Variants in DYNC2LI1 observed in about 807,000 individuals in gnomAD.
DYNC2LI1 encodes the protein dynein cytoplasmic 2 light intermediate chain 1, also known as cytoplasmic dynein 2 light intermediate chain 1.
Under a neutral mutation model 51.9 loss-of-function variants are expected in DYNC2LI1, and 45 were observed. The observed-to-expected ratio is 0.87, with a 90% CI of 0.68 to 1.11. The LOEUF (loss-of-function observed/expected upper bound fraction) is 1.11. DYNC2LI1 is among the 50% of genes most tolerant of loss of function. The pLI is 0.00. For synonymous variants in DYNC2LI1, 130 were observed against 137.8 expected, an observed-to-expected ratio of 0.94 and a Z score of 0.40; for missense variants, 490 against 417.4, an observed-to-expected ratio of 1.17 and a Z score of -1.51.
At chr2:43,786,550 G>A (rs1042164058) in intron 3 of DYNC2LI1, among the ~76,000 whole-genome samples, 9 of 152,062 alleles carry the variant, frequency 5.9e-5, no homozygotes, top group Non-Finnish European at 1.0e-4. Context: ...TATAAACCCA[G>A]TGTCACTTTG....
chr2:43,815,139 C>G, the DYNC2LI1 span, among the ~76,000 whole-genome samples: 1,319 of 152,292 alleles, frequency 8.7e-3, 25 homozygotes, highest in African/African-American at 0.03. Flanking sequence ...AAAGTTAGAA[C>G]TAACCTAGAA....
downstream of DYNC2LI1, chr2:43,814,364 T>C: frequency 1.4e-6 from 1 of 737,870 alleles, no homozygotes; most frequent in Non-Finnish European, 2.3e-6. Flanking sequence ...CAAAACAGAG[T>C]TTTAAATTGA....
At chr2:43,778,608 A>G (rs1673130260) in intron 2 of DYNC2LI1, among the ~76,000 whole-genome samples, 1 of 152,220 alleles carries the variant, frequency 6.6e-6, no homozygotes, top group South Asian at 2.1e-4. Flanking sequence ...TATGGTACAA[A>G]TACATTTCTA....
intron 12 of DYNC2LI1, among the ~76,000 whole-genome samples, 156 bp from the exon 13 acceptor site, chr2:43,809,549 C>G (rs1666405208): frequency 6.6e-6 from 1 of 152,154 alleles, no homozygotes; most frequent in Non-Finnish European, 1.5e-5. Context: ...AAGTCCTAAG[C>G]ATAATCATTT....
chr2:43,778,689 C>T (rs992453241), intron 2 of DYNC2LI1, among the ~76,000 whole-genome samples: 4 of 152,250 alleles, frequency 2.6e-5, no homozygotes, highest in Non-Finnish European at 5.9e-5. Context: ...TTACTGACTC[C>T]ATCATACAAA....
At chr2:43,796,625 A>C in intron 7 of DYNC2LI1, 93 bp from the exon 8 acceptor site, 4 of 925,674 alleles carry the variant, frequency 4.3e-6, no homozygotes, top group Non-Finnish European at 6.6e-6. Flanking sequence ...GTTTAAAAAA[A>C]TAAGAAATAA....
intron 8 of DYNC2LI1, among the ~76,000 whole-genome samples, chr2:43,800,507 C>T (rs1666037627): frequency 6.6e-6 from 1 of 152,072 alleles, no homozygotes; most frequent in Non-Finnish European, 1.5e-5. Context: ...AGTATGTTTA[C>T]ACACATACAG....
chr2:43,789,634 C>T lies in DYNC2LI1; in HGVS notation c.233C>T (p.Pro78Leu), dbSNP rs768606087. 1.2e-6 allele frequency: 2 copies of T among 1,612,522 alleles called. No homozygotes were observed. The highest frequency in any genetic ancestry group is 2.2e-5 in the East Asian group (1 of 44,806). ...YGRRAKGHNT[P>L]KDIAHFWELG... ...AAATCAAAAATTTTTGTTTTTCAGC[C>T]AAAAGATATCGCTCACTTTTGGGAA... Residue 78 changes from proline to leucine, a missense_variant and splice_region_variant, in exon 5 of 13, where the codon CCA (proline) becomes CTA (leucine). Transcript: ENST00000260605.
chr2:43,824,977 A>T, the DYNC2LI1 span: 1 of 1,614,046 alleles, frequency 6.2e-7, no homozygotes, highest in Non-Finnish European at 8.5e-7. Context: ...TGCCACAGAA[A>T]ATCAGCTCTC....
chr2:43,827,342 A>G, the DYNC2LI1 span, among the ~76,000 whole-genome samples: 2 of 150,968 alleles, frequency 1.3e-5, no homozygotes, highest in East Asian at 3.9e-4. Flanking sequence ...AAAAAAAAAA[A>G]GTGACAAGAG....
chr2:43,794,654 G>T lies in DYNC2LI1; in HGVS notation c.507+11G>T. 1 of 1,614,036 alleles carries T rather than the reference G, an allele frequency of 6.2e-7. No individual in the cohort carries two copies. The highest frequency in any genetic ancestry group is 8.5e-7 in the Non-Finnish European group (1 of 1,179,970). On this transcript the variant is annotated intron_variant, in intron 6 of 12. Coordinates refer to ENST00000260605, the MANE Select transcript of DYNC2LI1 (RefSeq NM_016008.4). ...CCGAAGGATCATCCTGTGAGTTGCT[G>T]TTTGGGATTATTACTGGAATCCTTA...
chr2:43,804,576 T>A, intron 10 of DYNC2LI1, 66 bp from the exon 11 acceptor site: 1 of 1,041,854 alleles, frequency 9.6e-7, no homozygotes, highest in Non-Finnish European at 1.4e-6. Context: ...GTGTCATTTC[T>A]TTTATTGGTG....
At chr2:43,786,214 T>C (rs960498586) in intron 3 of DYNC2LI1, among the ~76,000 whole-genome samples, 4 of 152,188 alleles carry the variant, frequency 2.6e-5, no homozygotes, top group Non-Finnish European at 4.4e-5. Context: ...TTTGTTTTTT[T>C]GTGAGACAGG....
chr2:43,822,975 C>T, the DYNC2LI1 span: 4 of 1,610,930 alleles, frequency 2.5e-6, no homozygotes, highest in Non-Finnish European at 3.4e-6. Flanking sequence ...TCAGTCACCA[C>T]CCAGCTGAAA....
At chr2:43,812,254 C>A (rs890381402), downstream of DYNC2LI1, among the ~76,000 whole-genome samples, 5 of 150,568 alleles carry the variant, frequency 3.3e-5, no homozygotes, top group African/African-American at 1.2e-4. Flanking sequence ...TAAATAACAG[C>A]TGATCTCCAG....
At chr2:43,779,287 C>G (rs1349266298) in intron 2 of DYNC2LI1, among the ~76,000 whole-genome samples, 1 of 152,132 alleles carries the variant, frequency 6.6e-6, no homozygotes, top group Non-Finnish European at 1.5e-5. Context: ...AAAAAAGTAT[C>G]TGATTCTGCT....
At chr2:43,820,295 T>G in the DYNC2LI1 span, among the ~76,000 whole-genome samples, 2 of 152,224 alleles carry the variant, frequency 1.3e-5, no homozygotes, top group Non-Finnish European at 1.5e-5. Context: ...TTGTTCCCAT[T>G]GGCTGCAACT....
the DYNC2LI1 span, chr2:43,822,887 T>G: frequency 6.2e-7 from 1 of 1,613,994 alleles, no homozygotes; most frequent in South Asian, 1.1e-5. Flanking sequence ...CCACTTCTGG[T>G]AGAGGCCGTC....
downstream of DYNC2LI1, among the ~76,000 whole-genome samples, chr2:43,813,764 C>T (rs896883820): frequency 1.8e-4 from 22 of 122,482 alleles, no homozygotes; most frequent in Admixed American, 6.4e-4. Context: ...GCCGCCCAGG[C>T]TGGAGTGCAG....
Sources: gnomAD v4.1 joint callset for allele counts (sites outside exome capture counted in the v4.1 genomes callset) on GRCh38, gnomAD v4.1.1 for gene constraint, MANE v1.5 for transcripts, NCBI Gene and HGNC (gene_info 2026-07-23, HGNC 2026-07-21) for gene names.